The following PSG3 variants were observed in gnomAD, a reference collection of about 807,000 sequenced individuals.
PSG3 encodes pregnancy-specific beta-1-glycoprotein 3.
In PSG3, 61 loss-of-function variants were observed where a neutral mutation model predicts 47.5. That is an observed-to-expected ratio of 1.28 (90% CI 1.05 to 1.59). The LOEUF (loss-of-function observed/expected upper bound fraction) is 1.59, where lower values mean the gene tolerates loss of function less well. Ranked by LOEUF, PSG3 falls within the 40% of genes most tolerant of loss-of-function variation. PSG3 has a pLI of 0.00. For missense variants in PSG3, 756 were observed against 524.0 expected (o/e 1.44, Z -4.32); for synonymous variants, 263 against 198.4 (o/e 1.33, Z -2.74).
At position 42,729,972 on chromosome 19, in the gene PSG3, T is replaced by C; in HGVS notation, c.794A>G (p.Lys265Arg). The C allele has an allele frequency of 6.2e-7, 1 of 1,612,254 alleles. No individual in the cohort carries two copies. The highest frequency in any genetic ancestry group is 1.1e-5 in the South Asian group (1 of 90,986). Reference protein sequence around the residue: ...KDVLAFTCEPKSENYTYIWWL... With the variant: ...KDVLAFTCEPRSENYTYIWWL... ...CCAAATGTAGGTGTAGTTCTCACTCTTAGGTTCACAGGTGAAGGCTAAGAC... is the reference window on the plus strand; with the variant it reads ...CCAAATGTAGGTGTAGTTCTCACTCCTAGGTTCACAGGTGAAGGCTAAGAC... Residue 265 changes from lysine (K) to arginine (R), a missense_variant, in exon 4 of 7, where the codon AAG becomes AGG. Transcript: ENST00000327495.
In PSG3 at chr19:42,723,942, C is replaced by T. The variant is rs769326109; in HGVS notation, c.*40G>A. 3.8e-6 allele frequency: 6 copies of T among 1,576,248 alleles called. No homozygotes were observed. The highest frequency in any genetic ancestry group is 2.2e-5 in the South Asian group (2 of 90,302). The stretch of plus-strand genomic sequence containing the variant: ...AGGATAAGAGGAAAGGTCATCATAC[C>T]TGCCAGTCTTCCTGAAATACAGAAA... On this transcript the variant is annotated splice_region_variant and 3_prime_UTR_variant, in exon 6 of 7. Coordinates refer to ENST00000327495, the MANE Select transcript of PSG3 (RefSeq NM_021016.4).
chr19:42,736,089 A>G (rs1030156520), intron 2 of PSG3, among the ~76,000 whole-genome samples: 9 of 152,206 alleles, frequency 5.9e-5, no homozygotes, highest in African/African-American at 1.9e-4. Context: ...TAACACCCTT[A>G]CTTTGCCCAG....
At chr19:42,736,527 A>G (rs1006725525) in intron 2 of PSG3, among the ~76,000 whole-genome samples, 1 of 151,996 alleles carries the variant, frequency 6.6e-6, no homozygotes, top group Non-Finnish European at 1.5e-5. Context: ...GGCTGATTTG[A>G]GTAATAATAA....
At chr19:42,735,004 A>G (rs1465760934) in intron 2 of PSG3, among the ~76,000 whole-genome samples, 1 of 152,148 alleles carries the variant, frequency 6.6e-6, no homozygotes, top group Non-Finnish European at 1.5e-5. Context: ...CACACGCAGA[A>G]CTCCAACTTA....
intron 2 of PSG3, among the ~76,000 whole-genome samples, chr19:42,735,267 G>A (rs1182908109): frequency 6.6e-6 from 1 of 152,120 alleles, no homozygotes; most frequent in Non-Finnish European, 1.5e-5. Context: ...TCCTGTTTCA[G>A]TTTTGGAAGT....
chr19:42,739,305 C>T, intron 1 of PSG3: 1 of 835,252 alleles, frequency 1.2e-6, no homozygotes, highest in Non-Finnish European at 1.8e-6. Flanking sequence ...ACCCCCATTC[C>T]TTCAACACTT....
intron 2 of PSG3, chr19:42,734,287 A>G (rs548851703): frequency 6.6e-6 from 1 of 152,342 alleles, no homozygotes; most frequent in Admixed American, 6.5e-5. Flanking sequence ...GAATATTTAC[A>G]GTACATGTAC....
At chr19:42,728,589 C>T (rs1275449602) in intron 5 of PSG3, among the ~76,000 whole-genome samples, 4 of 152,196 alleles carry the variant, frequency 2.6e-5, no homozygotes, top group African/African-American at 9.7e-5. Flanking sequence ...TCCACAGATG[C>T]TGGTCCCACC....
chr19:42,740,318 C>A lies in PSG3; in HGVS notation c.64+3G>T. 1 of 1,613,958 alleles carries A rather than the reference C, an allele frequency of 6.2e-7. No individual in the cohort carries two copies. Among genetic ancestry groups the A allele is most frequent in the Non-Finnish European group, 8.5e-7 (1 of 1,179,858 alleles). ...GTCCTCTCCCAGGAAGTTCTCTCCT[C>A]ACCTGTGAGCAGGAGCCCCTTCCAG... On this transcript the variant is annotated splice_donor_region_variant and intron_variant, in intron 1 of 6. Coordinates refer to ENST00000327495, the MANE Select transcript of PSG3 (RefSeq NM_021016.4).
At chr19:42,738,021 C>T (rs1424049747) in intron 2 of PSG3, among the ~76,000 whole-genome samples, 1 of 152,234 alleles carries the variant, frequency 6.6e-6, no homozygotes, top group Non-Finnish European at 1.5e-5. Context: ...GGTATATCTT[C>T]TCTCCTCTGT....
intron 1 of PSG3, among the ~76,000 whole-genome samples, 200 bp downstream of exon 1, chr19:42,740,121 T>G (rs1401728291): frequency 2.0e-5 from 3 of 152,088 alleles, no homozygotes; most frequent in Non-Finnish European, 4.4e-5. Context: ...TCTGGTTAAA[T>G]TTTTGTATTT....
intron 5 of PSG3, among the ~76,000 whole-genome samples, chr19:42,725,890 C>CAGAAAAAAAAAAAA (rs1969369069): frequency 1.5e-5 from 1 of 68,052 alleles, no homozygotes; most frequent in Non-Finnish European, 2.8e-5. Flanking sequence ...CAACAACAAC[C>CAGAAAAAAAAAAAA]AAAAAAAAAA....
chr19:42,738,682 A>T lies in PSG3; in HGVS notation c.430+42T>A, dbSNP rs753364286. 27 of 1,612,146 alleles carry T rather than the reference A, an allele frequency of 1.7e-5. No individual in the cohort carries two copies. The South Asian group carries it at 2.3e-4, about 14-fold the overall frequency. ...ACAATCCTTTGTGTGTGAAGTAAAG[A>T]CCCCATCCCCCAACACCCAGTGATC... On this transcript the variant is annotated intron_variant, in intron 2 of 6. Coordinates refer to ENST00000327495, the MANE Select transcript of PSG3 (RefSeq NM_021016.4).
chr19:42,735,613 G>A (rs559455350), intron 2 of PSG3, among the ~76,000 whole-genome samples: 6 of 152,246 alleles, frequency 3.9e-5, no homozygotes, highest in African/African-American at 1.2e-4. Context: ...TGCCTGCCTC[G>A]GCCTCCCAAA....
At chr19:42,736,612 T>TTTTGTGTGTGTGTGTGTG (rs1969566965) in intron 2 of PSG3, among the ~76,000 whole-genome samples, 1 of 138,654 alleles carries the variant, frequency 7.2e-6, no homozygotes, top group African/African-American at 2.8e-5. Flanking sequence ...TTCAATACAT[T>TTTTGTGTGTGTGTGTGTG]TGTGTGTGTG....
intron 6 of PSG3, among the ~76,000 whole-genome samples, 197 bp from the exon 7 acceptor site, chr19:42,722,287 G>A (rs945204697): frequency 6.6e-6 from 1 of 152,084 alleles, no homozygotes; most frequent in African/African-American, 2.4e-5. Flanking sequence ...GTCTCACTCT[G>A]TCACCCAGGC....
intron 3 of PSG3, 199 bp downstream of exon 3, chr19:42,732,585 C>A: frequency 3.1e-6 from 4 of 1,294,122 alleles, no homozygotes; most frequent in Non-Finnish European, 4.3e-6. Flanking sequence ...TCTCCCATGA[C>A]AGGAGCAGCC....
rs986005818 is a variant in PSG3, at chr19:42,738,957, A to G, written c.197T>C (p.Ile66Thr). The G allele has an allele frequency of 2.5e-6, 4 of 1,613,966 alleles. No individual in the cohort carries two copies. The highest frequency in any genetic ancestry group is 1.3e-5 in the African/African-American group (1 of 74,894). ...GTCCTTCATTTGCCCTTTGTACCAG[A>G]TGTAGCCAGCAAGATTCTGGGGCAA... ...HNLPQNLAGY[I>T]WYKGQMKDLY... Residue 66 changes from isoleucine to threonine, a missense_variant, in exon 2 of 7, where the codon ATC becomes ACC. Transcript: ENST00000327495.
intron 5 of PSG3, among the ~76,000 whole-genome samples, chr19:42,724,241 T>G (rs1969340580): frequency 6.6e-6 from 1 of 152,196 alleles, no homozygotes; most frequent in South Asian, 2.1e-4. Context: ...CTGTCAATTC[T>G]CTACTGTGCT....
Sources: gnomAD v4.1 joint callset for allele counts (sites outside exome capture counted in the v4.1 genomes callset) on GRCh38, gnomAD v4.1.1 for gene constraint, MANE v1.5 for transcripts, NCBI Gene and HGNC (gene_info 2026-07-23, HGNC 2026-07-21) for gene names.